Variants in ADARB2 observed in about 807,000 individuals in gnomAD.
ADARB2 encodes adenosine deaminase RNA specific B2 (inactive), also known as inactive double-stranded RNA-specific editase B2.
ADARB2 carries 25 observed loss-of-function variants against 62.2 expected under a neutral mutation model. The observed-to-expected ratio is 0.40, with a 90% confidence interval of 0.29 to 0.56. The LOEUF (loss-of-function observed/expected upper bound fraction) is 0.56, where lower values mean the gene tolerates loss of function less well. Ranked by LOEUF, ADARB2 falls within the 20% of genes least tolerant of loss-of-function variation. The pLI is 0.43. For synonymous variants in ADARB2, 572 were observed against 500.8 expected (o/e 1.14, Z -1.90); for missense variants, 1,071 against 1,077.4 (o/e 0.99, Z 0.08).
intron 3 of ADARB2, among the ~76,000 whole-genome samples, chr10:1,295,762 T>C (rs973621966): frequency 4.6e-5 from 7 of 152,252 alleles, no homozygotes; most frequent in Admixed American, 3.3e-4. Flanking sequence ...TTTTATTTTA[T>C]TCTTTCAAAA....
chr10:1,481,974 C>T (rs1346334555), intron 1 of ADARB2, among the ~76,000 whole-genome samples: 1 of 152,006 alleles, frequency 6.6e-6, no homozygotes, highest in African/African-American at 2.4e-5. Flanking sequence ...GTACACATGG[C>T]CACTAAACAT....
At position 1,617,827 on chromosome 10, in the gene ADARB2, T is replaced by C. The variant is rs139493436; in HGVS notation, c.100+119224A>G. ...GAACTGGCCTCAGAGGGTTTTGCAT[T>C]CTGTTGGTTTCAGTGATAGGGAGGG... On this transcript the variant is annotated intron_variant, in intron 1 of 9. Coordinates refer to ENST00000381312, the MANE Select transcript of ADARB2 (RefSeq NM_018702.4). 6.2e-3 allele frequency among the ~76,000 whole-genome samples: 944 copies of C among 152,392 alleles called. 16 individuals carry two copies. Among genetic ancestry groups the C allele is most frequent in the African/African-American group, 0.022 (900 of 41,586 alleles).
chr10:1,639,461 G>A (rs4880890), intron 1 of ADARB2, among the ~76,000 whole-genome samples: 32,335 of 152,206 alleles, frequency 0.21, 3,669 homozygotes, highest in Admixed American at 0.26. Context: ...CTGGCCCACA[G>A]TACCAGACCA....
chr10:1,272,482 C>G (rs1015729500), intron 3 of ADARB2, among the ~76,000 whole-genome samples: 1 of 152,254 alleles, frequency 6.6e-6, no homozygotes, highest in Non-Finnish European at 1.5e-5. Context: ...ACCTCTCCCT[C>G]TTAATTCTTC....
At chr10:1,584,285 C>G (rs750275914) in intron 1 of ADARB2, among the ~76,000 whole-genome samples, 3 of 152,056 alleles carry the variant, frequency 2.0e-5, no homozygotes, top group Non-Finnish European at 4.4e-5. Context: ...CACCTAAGAC[C>G]TTAACTGATA....
chr10:1,533,789 C>T (rs539673974), intron 1 of ADARB2, among the ~76,000 whole-genome samples: 54 of 152,314 alleles, frequency 3.5e-4, no homozygotes, highest in African/African-American at 1.3e-3. Context: ...AATGCCCAGA[C>T]AAGTCCTGTG....
intron 1 of ADARB2, chr10:1,526,925 C>T (rs761592774): frequency 1.3e-5 from 5 of 397,684 alleles, no homozygotes; most frequent in South Asian, 9.3e-5. Flanking sequence ...GAAACATCCC[C>T]TGCATCTTAA....
Position 1,429,226 on chromosome 10 carries a change from T to C in ADARB2, c.101-50066A>G, listed in dbSNP as rs576198005. ...ACTTAAAAGTCTAATTAAAAATTGTTAAATGCTTACAGGGTTATATGAGTT... is the reference window on the plus strand; with the variant it reads ...ACTTAAAAGTCTAATTAAAAATTGTCAAATGCTTACAGGGTTATATGAGTT... On this transcript the variant is annotated intron_variant, in intron 1 of 9. Coordinates refer to ENST00000381312, the MANE Select transcript of ADARB2 (RefSeq NM_018702.4). Among the ~76,000 whole-genome samples the C allele has an allele frequency of 2.0e-5, 3 of 152,344 alleles. No homozygotes were observed. The East Asian group carries it at 5.8e-4, about 29-fold the overall frequency.
At chr10:1,639,498 T>A (rs1833953036) in intron 1 of ADARB2, among the ~76,000 whole-genome samples, 1 of 152,216 alleles carries the variant, frequency 6.6e-6, no homozygotes, top group African/African-American at 2.4e-5. Flanking sequence ...TGATCACAGC[T>A]GATCCTTACC....
At chr10:1,625,667 CAT>C (rs1306749386) in intron 1 of ADARB2, among the ~76,000 whole-genome samples, 2 of 152,172 alleles carry the variant, frequency 1.3e-5, no homozygotes, top group African/African-American at 4.8e-5. Flanking sequence ...AGAATTGACA[CAT>C]GTCCACTGAC....
At chr10:1,525,436 T>C (rs1346211130) in intron 1 of ADARB2, among the ~76,000 whole-genome samples, 1 of 152,260 alleles carries the variant, frequency 6.6e-6, no homozygotes, top group Non-Finnish European at 1.5e-5. Context: ...TCTTCTCTAA[T>C]TTTTTCCTTG....
In ADARB2 at chr10:1,627,210, A is replaced by G. The variant is rs185855459; in HGVS notation, c.100+109841T>C. 2.4e-3 allele frequency among the ~76,000 whole-genome samples: 367 copies of G among 152,054 alleles called. 2 individuals carry two copies. The highest frequency in any genetic ancestry group is 8.2e-3 in the African/African-American group (339 of 41,474). On this transcript the variant is annotated intron_variant, in intron 1 of 9. Coordinates refer to ENST00000381312, the MANE Select transcript of ADARB2 (RefSeq NM_018702.4). ...GACGTGCACAAGAAGGGGCTTGACG[A>G]GCCTCGGATTGATTTATTGATTTAG... is the stretch of plus-strand genomic sequence containing the variant.
intron 1 of ADARB2, among the ~76,000 whole-genome samples, chr10:1,458,937 A>G (rs1171630730): frequency 1.3e-5 from 2 of 152,260 alleles, no homozygotes; most frequent in Non-Finnish European, 2.9e-5. Context: ...ATCATATGAA[A>G]AAAAGCTCAA....
At chr10:1,638,614 TAC>T (rs145879237) in intron 1 of ADARB2, among the ~76,000 whole-genome samples, 1 of 152,330 alleles carries the variant, frequency 6.6e-6, no homozygotes, top group East Asian at 1.9e-4. Context: ...TCGTGTGCAT[TAC>T]ACAGTTTCTT....
chr10:1,388,235 A>C (rs1265521965), intron 1 of ADARB2, among the ~76,000 whole-genome samples: 2 of 152,126 alleles, frequency 1.3e-5, no homozygotes, highest in Non-Finnish European at 2.9e-5. Context: ...AAATTTCCTC[A>C]AATTGATACA....
intron 1 of ADARB2, among the ~76,000 whole-genome samples, chr10:1,473,626 C>T (rs1339447321): frequency 2.0e-5 from 3 of 152,330 alleles, no homozygotes; most frequent in South Asian, 4.1e-4. Context: ...AAGCTATCCA[C>T]CTGCCTTGGC....
At chr10:1,252,229 T>C (rs1831043399) in intron 4 of ADARB2, among the ~76,000 whole-genome samples, 1 of 152,182 alleles carries the variant, frequency 6.6e-6, no homozygotes, top group Non-Finnish European at 1.5e-5. Context: ...GAAAGTAAAA[T>C]ATACCAAATA....
chr10:1,242,167 A>C lies in ADARB2; in HGVS notation c.1325T>G (p.Leu442Arg), dbSNP rs1185170831. Reference protein sequence around the residue: ...HAEVVARRAFLHFLYTQLELH... With the variant: ...HAEVVARRAFRHFLYTQLELH... ...CTCCAGCTGCGTGTAGAGGAAGTGC[A>C]GGAACGCCCGCCGGGCCACGACCTC... Residue 442 changes from leucine to arginine, a missense_variant, in exon 5 of 10, where the codon CTG becomes CGG. Physicochemically the swap from Leu to Arg is moderately radical, Grantham distance 102. Coordinates refer to ENST00000381312, the MANE Select transcript of ADARB2 (RefSeq NM_018702.4). 1 of 1,610,464 alleles carries C rather than the reference A, an allele frequency of 6.2e-7. No homozygotes were observed. The highest frequency in any genetic ancestry group is 8.5e-7 in the Non-Finnish European group (1 of 1,179,622).
intron 1 of ADARB2, among the ~76,000 whole-genome samples, chr10:1,494,517 A>G (rs911237498): frequency 5.3e-5 from 8 of 152,204 alleles, no homozygotes; most frequent in African/African-American, 1.9e-4. Flanking sequence ...GGACTACAAC[A>G]GCACTCTTGG....
Sources: allele counts gnomAD v4.1 joint callset (sites outside exome capture counted in the v4.1 genomes callset), GRCh38; gene constraint gnomAD v4.1.1; transcripts MANE v1.5; gene names NCBI Gene and HGNC (gene_info 2026-07-23, HGNC 2026-07-21).